TCF7: variants seen among roughly 807,000 people sequenced by gnomAD.
The protein encoded by TCF7 is transcription factor 7, also known as T-cell-factor-7.
TCF7 carries 19 observed loss-of-function variants against 46.8 expected under a neutral mutation model. The observed-to-expected ratio is 0.41, with a 90% CI of 0.28 to 0.60. The LOEUF (loss-of-function observed/expected upper bound fraction) is 0.60, where lower values mean the gene tolerates loss of function less well. Among genes scored for constraint, TCF7 ranks in the 20% least tolerant of loss-of-function variants. TCF7 has a pLI of 0.35. For synonymous variants in TCF7, 245 were observed against 213.4 expected, an observed-to-expected ratio of 1.15 and a Z score of -1.29; for missense variants, 547 against 504.6, an observed-to-expected ratio of 1.08 and a Z score of -0.81.
At chr5:134,127,400 C>T (rs1757483514) in intron 3 of TCF7, among the ~76,000 whole-genome samples, 1 of 152,224 alleles carries the variant, frequency 6.6e-6, no homozygotes, top group African/African-American at 2.4e-5. Context: ...GGATTGATTC[C>T]GATTTGGTGC....
chr5:134,136,801 A>C (rs1298220629), intron 3 of TCF7, among the ~76,000 whole-genome samples: 1 of 152,144 alleles, frequency 6.6e-6, no homozygotes, highest in African/African-American at 2.4e-5. Context: ...CAGGAATTGC[A>C]CTCACAGAGT....
At chr5:134,120,236 C>A (rs1756380571) in intron 3 of TCF7, among the ~76,000 whole-genome samples, 1 of 152,188 alleles carries the variant, frequency 6.6e-6, no homozygotes, top group Non-Finnish European at 1.5e-5. Context: ...AAGCCCCAGT[C>A]ATCGCCATCT....
In TCF7 at chr5:134,114,736, C is replaced by T. The variant is rs1755558428; in HGVS notation, c.-171C>T. ...CCCGCCAGCTCGCGGAGCCGCTCTG[C>T]CCCGCGCCCTAGCCCGCGCCTGCAG... On this transcript the variant is annotated 5_prime_UTR_variant, in exon 1 of 10. Coordinates refer to ENST00000342854, the MANE Select transcript of TCF7 (RefSeq NM_003202.5). 11 of 589,036 alleles carry T rather than the reference C, an allele frequency of 1.9e-5. No individual in the cohort carries two copies. Among genetic ancestry groups the T allele is most frequent in the Non-Finnish European group, 2.3e-5 (11 of 468,950 alleles). 36.5% of individuals were successfully genotyped at this position (589,036 alleles called of 1,614,324 possible).
chr5:134,143,223 C>CGGA (rs1033627500), intron 8 of TCF7, 123 bp downstream of exon 8: 5 of 1,104,560 alleles, frequency 4.5e-6, no homozygotes, highest in Non-Finnish European at 5.3e-6. Context: ...AGGAAGGGCA[C>CGGA]GGAGGGTCCA....
chr5:134,135,123 ATTTTT>A (rs1758675798), intron 3 of TCF7, among the ~76,000 whole-genome samples: 1 of 151,994 alleles, frequency 6.6e-6, no homozygotes, highest in African/African-American at 2.4e-5. Context: ...CCAGCTAGTT[ATTTTT>A]ATTTTATTTT....
At chr5:134,146,087 C>T in intron 9 of TCF7, 137 bp from the exon 10 acceptor site, 2 of 1,594,750 alleles carry the variant, frequency 1.3e-6, no homozygotes, top group South Asian at 1.1e-5. Flanking sequence ...AGTCTGAGGA[C>T]ACTGACTTAC....
chr5:134,120,114 C>T (rs544637670), intron 3 of TCF7, among the ~76,000 whole-genome samples: 7 of 152,264 alleles, frequency 4.6e-5, no homozygotes, highest in African/African-American at 1.7e-4. Flanking sequence ...CTGAGGAGCA[C>T]TCTGAAGGCC....
intron 3 of TCF7, among the ~76,000 whole-genome samples, chr5:134,136,545 T>C (rs572416947): frequency 5.3e-5 from 8 of 152,106 alleles, no homozygotes; most frequent in Non-Finnish European, 1.0e-4. Context: ...AACAGGGCTG[T>C]TGCTGGCAGG....
At chr5:134,141,953 T>C in intron 5 of TCF7, 1 of 468,688 alleles carries the variant, frequency 2.1e-6, no homozygotes, top group Non-Finnish European at 3.7e-6. Flanking sequence ...TTGGGACCTA[T>C]GTAGTAACCA....
intron 9 of TCF7, chr5:134,145,274 T>A (rs763992913): frequency 1.1e-4 from 60 of 541,796 alleles, no homozygotes; most frequent in South Asian, 7.9e-4. Flanking sequence ...GATCCCTGCC[T>A]GTACCATCCT....
At position 134,143,022 on chromosome 5, in the gene TCF7, C is replaced by T. The variant is rs752246740; in HGVS notation, c.948C>T (p.Ala316=). The change falls in exon 8 of 10, where the codon GCC becomes GCT. Residue 316 remains alanine (A), a synonymous_variant. Coordinates refer to ENST00000342854, the MANE Select transcript of TCF7 (RefSeq NM_003202.5). ...RWHALSREEQ[A]KYYELARKER... ...ACGCGCTGTCGCGAGAAGAGCAGGC[C>T]AAGTACTATGAGCTGGCCCGCAAGG... 17 of 1,612,788 alleles carry T rather than the reference C, an allele frequency of 1.1e-5. No homozygotes were observed. The highest frequency in any genetic ancestry group is 1.3e-5 in the Non-Finnish European group (15 of 1,179,370).
At chr5:134,144,423 G>A (rs959272408) in intron 9 of TCF7, 1 of 269,122 alleles carries the variant, frequency 3.7e-6, no homozygotes, top group Non-Finnish European at 7.2e-6. Context: ...AGGGAGTTGG[G>A]GAGGAGGTGG....
intron 9 of TCF7, 39 bp from the exon 10 acceptor site, chr5:134,146,185 C>T (rs755280447): frequency 6.2e-6 from 10 of 1,613,992 alleles, no homozygotes; most frequent in Admixed American, 5.0e-5. Flanking sequence ...ACTATGAATT[C>T]ACCCTCTGTT....
At chr5:134,141,198 C>CT (rs1759703680) in intron 5 of TCF7, 1 of 161,932 alleles carries the variant, frequency 6.2e-6, no homozygotes, top group African/African-American at 2.4e-5. Context: ...TAGAAGGACT[C>CT]TCCTGGGCAT....
At chr5:134,109,329 G>C in the TCF7 span, among the ~76,000 whole-genome samples, 1 of 152,194 alleles carries the variant, frequency 6.6e-6, no homozygotes, top group Non-Finnish European at 1.5e-5. Flanking sequence ...ATAGGATTTA[G>C]TGCAGGCGTA....
intron 8 of TCF7, 129 bp downstream of exon 8, chr5:134,143,229 G>A (rs1760137053): frequency 4.0e-6 from 4 of 992,432 alleles, no homozygotes; most frequent in Admixed American, 2.0e-5. Flanking sequence ...GGCACGGAGG[G>A]TCCAAGGCCT....
intron 8 of TCF7, 71 bp from the exon 9 acceptor site, chr5:134,143,521 T>C (rs1760204371): frequency 1.9e-6 from 3 of 1,594,652 alleles, no homozygotes; most frequent in Non-Finnish European, 2.6e-6. Context: ...TTACCCAAGC[T>C]AGGCAGCAGG....
At chr5:134,143,338 G>T in intron 8 of TCF7, 1 of 774,248 alleles carries the variant, frequency 1.3e-6, no homozygotes, top group Non-Finnish European at 2.3e-6. Context: ...TGGGCCACAT[G>T]GGCAGAAGGG....
chr5:134,143,804 A>C (rs1215355754), intron 9 of TCF7, 164 bp downstream of exon 9: 8 of 721,330 alleles, frequency 1.1e-5, no homozygotes, highest in Non-Finnish European at 1.8e-5. Context: ...ATTCCCATGC[A>C]AGAAACAGCT....
Sources: gnomAD v4.1 joint callset for allele counts (sites outside exome capture counted in the v4.1 genomes callset) on GRCh38, gnomAD v4.1.1 for gene constraint, MANE v1.5 for transcripts, NCBI Gene and HGNC (gene_info 2026-07-23, HGNC 2026-07-21) for gene names.